Variants in ADI1 observed in about 807,000 individuals in gnomAD.
ADI1 encodes acireductone dioxygenase 1.
A neutral mutation model predicts 18.7 loss-of-function variants in ADI1; 21 were observed. The observed-to-expected ratio is 1.13, with a 90% CI of 0.80 to 1.62. The LOEUF (loss-of-function observed/expected upper bound fraction) is 1.62, where lower values mean the gene tolerates loss of function less well. ADI1 is among the 40% of genes most tolerant of loss of function. ADI1 has a pLI of 0.00. For synonymous variants in ADI1, 90 were observed against 100.1 expected, an observed-to-expected ratio of 0.90 and a Z score of 0.60; for missense variants, 245 against 254.9, an observed-to-expected ratio of 0.96 and a Z score of 0.26.
At chr2:3,502,925 T>G in intron 2 of ADI1, among the ~76,000 whole-genome samples, 1 of 151,972 alleles carries the variant, frequency 6.6e-6, no homozygotes. Flanking sequence ...GGAAAAAACA[T>G]TGATATGACT....
intron 1 of ADI1, chr2:3,514,746 G>C: frequency 6.6e-7 from 1 of 1,524,210 alleles, no homozygotes. Context: ...AAAACTACTG[G>C]CAGTGAATCT....
At position 3,513,944 on chromosome 2, in the gene ADI1, T is replaced by A; in HGVS notation, c.153A>T (p.Glu51Asp). ...TCCTCTCTCTTCGGATCTTTTCTAATTCTGGATCATTCTCATATTTGTCAG... is the reference window on the plus strand; with the variant it reads ...TCCTCTCTCTTCGGATCTTTTCTAAATCTGGATCATTCTCATATTTGTCAG... The part of the protein sequence containing the change: ...LDADKYENDP[E>D]LEKIRRERNY... The change falls in exon 2 of 4, where the codon GAA (glutamate) becomes GAT (aspartate). Residue 51 changes from glutamate to aspartate, a missense_variant. Transcript: ENST00000327435. 6.2e-7 allele frequency: 1 copy of A among 1,611,590 alleles called. No individual in the cohort carries two copies. Among genetic ancestry groups the A allele is most frequent in the Non-Finnish European group, 8.5e-7 (1 of 1,179,568 alleles).
intron 2 of ADI1, among the ~76,000 whole-genome samples, chr2:3,506,005 A>C (rs1164816903): frequency 3.3e-5 from 5 of 152,200 alleles, no homozygotes; most frequent in African/African-American, 9.7e-5. Context: ...GTGAGAAATA[A>C]ATGTTTGTTG....
chr2:3,508,957 G>A (rs901857882), intron 2 of ADI1, among the ~76,000 whole-genome samples: 1 of 147,892 alleles, frequency 6.8e-6, no homozygotes, highest in Non-Finnish European at 1.5e-5. Flanking sequence ...GGAGAGGAGA[G>A]GGGAGGAGAG....
chr2:3,500,911 C>T lies in ADI1; in HGVS notation c.323G>A (p.Arg108Lys). ...CCGGATCCACTGGTCCTCCTTGTCC[C>T]TCACATCGAAGTACCCACTGCCATC... is the stretch of plus-strand genomic sequence containing the variant. ...ILDGSGYFDVRDKEDQWIRIF... is the reference protein window; with the variant it reads ...ILDGSGYFDVKDKEDQWIRIF... Residue 108 changes from arginine (R) to lysine (K), a missense_variant, in exon 3 of 4, where the codon AGG becomes AAG. Coordinates refer to ENST00000327435, the MANE Select transcript of ADI1 (RefSeq NM_018269.4). 1 of 1,614,208 alleles carries T rather than the reference C, an allele frequency of 6.2e-7. No individual in the cohort carries two copies. Among genetic ancestry groups the T allele is most frequent in the Non-Finnish European group, 8.5e-7 (1 of 1,180,026 alleles).
chr2:3,499,342 G>A (rs185945159), intron 3 of ADI1, among the ~76,000 whole-genome samples: 15 of 152,146 alleles, frequency 9.9e-5, no homozygotes, highest in East Asian at 1.9e-4. Flanking sequence ...CCGCACCTCC[G>A]TGCTCTCTAT....
At chr2:3,508,919 AGGGAAG>A (rs796595804) in intron 2 of ADI1, among the ~76,000 whole-genome samples, 214 of 142,394 alleles carry the variant, frequency 1.5e-3, no homozygotes, top group African/African-American at 4.9e-3. Context: ...GAAGAAGGGA[AGGGAAG>A]GGGAAGGGGA....
At chr2:3,513,318 T>C (rs189149070) in intron 2 of ADI1, among the ~76,000 whole-genome samples, 1 of 152,288 alleles carries the variant, frequency 6.6e-6, no homozygotes, top group Non-Finnish European at 1.5e-5. Context: ...AAGAAGGGCA[T>C]GAGATTTGGG....
At chr2:3,500,720 G>T (rs1354830593) in intron 3 of ADI1, 94 bp downstream of exon 3, 1 of 1,547,748 alleles carries the variant, frequency 6.5e-7, no homozygotes, top group South Asian at 1.1e-5. Flanking sequence ...GACCGCGCTT[G>T]GAGTCTGCGG....
chr2:3,501,298 T>C (rs2103201402), intron 2 of ADI1, among the ~76,000 whole-genome samples: 1 of 152,238 alleles, frequency 6.6e-6, no homozygotes, highest in East Asian at 1.9e-4. Context: ...AGGTGGCTGC[T>C]CTATCAGCCC....
chr2:3,514,066 A>G, intron 1 of ADI1, 90 bp from the exon 2 acceptor site: 1 of 1,427,500 alleles, frequency 7.0e-7, no homozygotes, highest in South Asian at 1.5e-5. Context: ...ATGATTTTAT[A>G]CTCCAAATTT....
intron 1 of ADI1, 82 bp downstream of exon 1, chr2:3,519,286 G>C (rs1010646864): frequency 3.8e-6 from 5 of 1,312,296 alleles, no homozygotes; most frequent in East Asian, 3.1e-5. Context: ...GCCGCTGCCC[G>C]GCACCTGGAG....
chr2:3,508,083 C>T (rs1433364284), intron 2 of ADI1, among the ~76,000 whole-genome samples: 1 of 151,616 alleles, frequency 6.6e-6, no homozygotes. Flanking sequence ...ATCTGTAATC[C>T]CAGCACTTTG....
Position 3,499,087 on chromosome 2 carries a change from A to G in ADI1, c.421-5T>C. The stretch of plus-strand genomic sequence containing the variant: ...CCGCATGGCCTTCGTGTAGTTCTGG[A>G]AAACAGACAAACACACCCAGCATCT... On this transcript the variant is annotated splice_polypyrimidine_tract_variant and splice_region_variant and intron_variant, in intron 3 of 3. Coordinates refer to ENST00000327435, the MANE Select transcript of ADI1 (RefSeq NM_018269.4). The G allele has an allele frequency of 1.9e-6, 3 of 1,612,422 alleles. No individual in the cohort carries two copies. In the South Asian group the frequency reaches 3.3e-5, roughly 18 times the overall value.
Position 3,498,823 on chromosome 2 carries a change from C to G in ADI1, c.*140G>C. On this transcript the variant is annotated 3_prime_UTR_variant, in exon 4 of 4. Coordinates refer to ENST00000327435, the MANE Select transcript of ADI1 (RefSeq NM_018269.4). ...CTAGATCCTTTCATTACAAAATATTCTGATCAAATAATCTTACAAAGGAAA... is the reference window on the plus strand; with the variant it reads ...CTAGATCCTTTCATTACAAAATATTGTGATCAAATAATCTTACAAAGGAAA... 1 of 1,375,556 alleles carries G rather than the reference C, an allele frequency of 7.3e-7. No homozygotes were observed. Among genetic ancestry groups the G allele is most frequent in the Non-Finnish European group, 9.8e-7 (1 of 1,018,308 alleles). The allele number at this position is 1,375,556 out of a possible 1,614,324, so 85.2% of individuals were successfully genotyped here.
intron 1 of ADI1, chr2:3,516,862 T>C (rs768940692): frequency 1.0e-6 from 1 of 985,390 alleles, no homozygotes; most frequent in Non-Finnish European, 1.2e-6. Context: ...TTAAAAATTA[T>C]GGGAGATGTT....
chr2:3,513,240 A>T (rs1271999612), intron 2 of ADI1, among the ~76,000 whole-genome samples: 1 of 152,200 alleles, frequency 6.6e-6, no homozygotes, highest in East Asian at 1.9e-4. Flanking sequence ...TGGGACTTTT[A>T]AGTTAATGCT....
chr2:3,499,759 T>A (rs1048841870), intron 3 of ADI1, among the ~76,000 whole-genome samples: 16 of 152,110 alleles, frequency 1.1e-4, no homozygotes, highest in Non-Finnish European at 2.2e-4. Context: ...CTGAGGCTTG[T>A]AGACACTGAA....
chr2:3,504,871 A>ATTGTCGGTTCACCTGCGTATGTTTGCG (rs1467718092), intron 2 of ADI1, among the ~76,000 whole-genome samples: 3 of 150,732 alleles, frequency 2.0e-5, no homozygotes, highest in Non-Finnish European at 4.4e-5. Flanking sequence ...GTATGTTTGT[A>ATTGTCGGTTCACCTGCGTATGTTTGCG]TTGTCGGTTC....
Sources: gnomAD v4.1 joint callset for allele counts (sites outside exome capture counted in the v4.1 genomes callset) on GRCh38, gnomAD v4.1.1 for gene constraint, MANE v1.5 for transcripts, NCBI Gene and HGNC (gene_info 2026-07-23, HGNC 2026-07-21) for gene names.